The following TPH1 variants were observed in gnomAD, a reference collection of about 807,000 sequenced individuals.
TPH1 encodes tryptophan hydroxylase 1, also known as tryptophan 5-hydroxylase 1.
In TPH1, 37 loss-of-function variants were observed where a neutral mutation model predicts 49.5. That is an observed-to-expected ratio of 0.75 (90% confidence interval 0.58 to 0.98). The LOEUF is 0.98. Among genes scored for constraint, TPH1 ranks in the 50% least tolerant of loss-of-function variants. The probability of loss-of-function intolerance (pLI) is 0.00; values close to 1 mark genes in which losing one functional copy is unlikely to be tolerated. For synonymous variants in TPH1, 160 were observed against 182.1 expected (o/e 0.88, Z 0.98); for missense variants, 487 against 523.6 (o/e 0.93, Z 0.68).
intron 6 of TPH1, among the ~76,000 whole-genome samples, chr11:18,027,244 A>G (rs976204021): frequency 3.3e-5 from 5 of 152,184 alleles, no homozygotes; most frequent in Non-Finnish European, 5.9e-5. Flanking sequence ...TGTAAGCCCT[A>G]ATCTTGGCCT....
intron 3 of TPH1, among the ~76,000 whole-genome samples, chr11:18,034,383 A>G (rs1335002876): frequency 1.3e-5 from 2 of 152,218 alleles, no homozygotes; most frequent in African/African-American, 4.8e-5. Context: ...GTGATATTCA[A>G]GGGATTTAAC....
At position 18,026,393 on chromosome 11, in the gene TPH1, C is replaced by G. The variant is rs184900600; in HGVS notation, c.803+97G>C. 2.0e-4 allele frequency: 119 copies of G among 588,758 alleles called. 2 individuals are homozygous for G. The East Asian group carries it at 4.3e-3, about 21-fold the overall frequency. 36.5% of individuals were successfully genotyped at this position (588,758 alleles called of 1,614,324 possible). A position where few individuals can be genotyped will look rare whatever the true frequency, so the allele number is the denominator to read the frequency against. On this transcript the variant is annotated intron_variant, in intron 7 of 10. Coordinates refer to ENST00000682019, the MANE Select transcript of TPH1 (RefSeq NM_004179.3). The stretch of plus-strand genomic sequence containing the variant: ...GCTAATTTATTTAATCCTCGCACAC[C>G]AAAAAAAAAAAAAAAAAAAAAAAAG...
At chr11:18,040,891 T>C in intron 1 of TPH1, 103 bp from the exon 2 acceptor site, 1 of 1,104,496 alleles carries the variant, frequency 9.1e-7, no homozygotes, top group Non-Finnish European at 1.3e-6. Flanking sequence ...TTCAGTTTCT[T>C]AACCTTTTAT....
At chr11:18,023,515 T>C (rs185961303) in intron 9 of TPH1, among the ~76,000 whole-genome samples, 21 of 152,202 alleles carry the variant, frequency 1.4e-4, no homozygotes, top group African/African-American at 5.1e-4. Context: ...ATATCAGAAA[T>C]ATATCAAAAT....
At chr11:18,021,600 C>T (rs973631836) in intron 10 of TPH1, among the ~76,000 whole-genome samples, 3 of 152,080 alleles carry the variant, frequency 2.0e-5, no homozygotes, top group Admixed American at 2.0e-4. Flanking sequence ...TACCTACTCA[C>T]ATATGTAACC....
At chr11:18,022,960 G>C in intron 9 of TPH1, 29 bp from the exon 10 acceptor site, 2 of 1,611,198 alleles carry the variant, frequency 1.2e-6, no homozygotes, top group Non-Finnish European at 1.7e-6. Flanking sequence ...GTGAATCAAA[G>C]AATAATATCT....
chr11:18,040,577 A>G lies in TPH1; in HGVS notation c.117+69T>C, dbSNP rs1848090762. The G allele has an allele frequency of 1.4e-5, 20 of 1,464,824 alleles. No homozygotes were observed. The South Asian group carries it at 2.1e-4, about 16-fold the overall frequency. The allele number at this position is 1,464,824 out of a possible 1,614,324, so 90.7% of individuals were successfully genotyped here. Reference sequence around the variant, plus strand: ...AGATAGGGTCTTGCTATGTTGCCCTATATTTTAAATATAGTTTTAGAGATT... The same window carrying G: ...AGATAGGGTCTTGCTATGTTGCCCTGTATTTTAAATATAGTTTTAGAGATT... On this transcript the variant is annotated intron_variant, in intron 2 of 10. Coordinates refer to ENST00000682019, the MANE Select transcript of TPH1 (RefSeq NM_004179.3).
chr11:18,020,683 A>T lies in TPH1; in HGVS notation c.*308T>A. The T allele has an allele frequency of 3.0e-6, 1 of 330,278 alleles. No homozygotes were observed. The highest frequency in any genetic ancestry group is 5.8e-6 in the Non-Finnish European group (1 of 172,966). The allele number at this position is 330,278 out of a possible 1,614,324, so 20.5% of individuals were successfully genotyped here. On this transcript the variant is annotated 3_prime_UTR_variant, in exon 11 of 11. Transcript: ENST00000682019. ...GGGAAAATAGAGTTAGGCTGAGATT[A>T]GATCTATCTATTGGGTCAAACAACT...
intron 1 of TPH1, among the ~76,000 whole-genome samples, chr11:18,045,797 G>A (rs1848135490): frequency 2.0e-5 from 3 of 152,212 alleles, no homozygotes; most frequent in Non-Finnish European, 2.9e-5. Flanking sequence ...GCTGTTTAAG[G>A]GAAGCTTCCC....
chr11:18,038,594 A>T (rs937187227), intron 2 of TPH1, among the ~76,000 whole-genome samples: 1 of 152,254 alleles, frequency 6.6e-6, no homozygotes, highest in Admixed American at 6.5e-5. Flanking sequence ...AAGAGGTTGC[A>T]CAAATCAACG....
rs1054059681 is a variant in TPH1 at position 18,033,437 on chromosome 11, A to G, written c.302-63T>C. 5 of 1,223,462 alleles carry G rather than the reference A, an allele frequency of 4.1e-6. No individual in the cohort carries two copies. The African/African-American group carries it at 7.7e-5, about 19-fold the overall frequency. The allele number at this position is 1,223,462 out of a possible 1,614,324, so 75.8% of individuals were successfully genotyped here. A position where few individuals can be genotyped will look rare whatever the true frequency, so the allele number is the denominator to read the frequency against. ...AAAGTTGAAGAGATAATCTTAAACA[A>G]GACAATAAAGAAGATAAAATTAAAT... On this transcript the variant is annotated intron_variant, in intron 3 of 10. Coordinates refer to ENST00000682019, the MANE Select transcript of TPH1 (RefSeq NM_004179.3).
rs1241111993 is a variant in TPH1, at chr11:18,025,619, C to T, written c.886G>A (p.Ala296Thr). ...FAQFSQEIGL[A>T]SLGASEEAVQ... The stretch of plus-strand genomic sequence containing the variant: ...GCCTCCTCTGAAGCGCCAAGAGAAG[C>T]CAAGCCAATTTCTTGGGAGAATTGG... The change falls in exon 8 of 11, where the codon GCT (alanine) becomes ACT (threonine). Residue 296 changes from alanine (A) to threonine (T), a missense_variant. Ala to Thr is a moderately conservative substitution (Grantham distance 58). Coordinates refer to ENST00000682019, the MANE Select transcript of TPH1 (RefSeq NM_004179.3). 6.2e-7 allele frequency: 1 copy of T among 1,614,036 alleles called. No homozygotes were observed. The highest frequency in any genetic ancestry group is 1.7e-5 in the Admixed American group (1 of 60,006).
At chr11:18,039,548 C>A (rs1848078981) in intron 2 of TPH1, among the ~76,000 whole-genome samples, 1 of 152,210 alleles carries the variant, frequency 6.6e-6, no homozygotes. Flanking sequence ...AACAATAAAT[C>A]TTTGTGTGTC....
At chr11:18,031,629 T>A (rs112854712) in intron 4 of TPH1, among the ~76,000 whole-genome samples, 11 of 152,186 alleles carry the variant, frequency 7.2e-5, no homozygotes, top group African/African-American at 2.7e-4. Flanking sequence ...TAGGGATGAA[T>A]AAGGAACACA....
chr11:18,045,269 G>C (rs1848130977), intron 1 of TPH1, among the ~76,000 whole-genome samples: 2 of 152,120 alleles, frequency 1.3e-5, no homozygotes, highest in Non-Finnish European at 2.9e-5. Flanking sequence ...TGGGAATGAG[G>C]ATGAAAGTGT....
intron 1 of TPH1, among the ~76,000 whole-genome samples, chr11:18,043,828 T>C (rs954536980): frequency 6.6e-6 from 1 of 151,806 alleles, no homozygotes; most frequent in Non-Finnish European, 1.5e-5. Flanking sequence ...ATCGCGCCAC[T>C]GCAGTCCAGC....
At chr11:18,038,326 G>A (rs1034221329) in intron 2 of TPH1, among the ~76,000 whole-genome samples, 2 of 152,196 alleles carry the variant, frequency 1.3e-5, no homozygotes, top group African/African-American at 4.8e-5. Flanking sequence ...GACACACCCA[G>A]AGAACACCAT....
At chr11:18,038,223 G>A (rs1174322712) in intron 2 of TPH1, among the ~76,000 whole-genome samples, 1 of 152,128 alleles carries the variant, frequency 6.6e-6, no homozygotes, top group East Asian at 1.9e-4. Context: ...TTATAAGTGT[G>A]GAAGTAAATA....
chr11:18,036,465 TAAATA>T (rs1338685971), intron 2 of TPH1, among the ~76,000 whole-genome samples: 1 of 152,180 alleles, frequency 6.6e-6, no homozygotes, highest in African/African-American at 2.4e-5. Context: ...AAAATTCTCA[TAAATA>T]AAAGCTAGTT....
Sources: allele counts gnomAD v4.1 joint callset (sites outside exome capture counted in the v4.1 genomes callset), GRCh38; gene constraint gnomAD v4.1.1; transcripts MANE v1.5; gene names NCBI Gene and HGNC (gene_info 2026-07-23, HGNC 2026-07-21).